EML4: variants seen among roughly 807,000 people sequenced by gnomAD.
The protein encoded by EML4 is EMAP like 4, also known as echinoderm microtubule-associated protein-like 4.
A neutral mutation model predicts 129.0 loss-of-function variants in EML4; 72 were observed. The ratio of observed to expected loss-of-function variants is 0.56; its 90% CI spans 0.46 to 0.68. The LOEUF is 0.68. EML4 is among the 30% of genes least tolerant of loss of function. The pLI is 0.00. For synonymous variants in EML4, 532 were observed against 405.0 expected, an observed-to-expected ratio of 1.31 and a Z score of -3.77; for missense variants, 1,363 against 1,190.6, an observed-to-expected ratio of 1.14 and a Z score of -2.13.
At chr2:42,180,175 T>G (rs2103833956) in intron 1 of EML4, among the ~76,000 whole-genome samples, 1 of 152,338 alleles carries the variant, frequency 6.6e-6, no homozygotes, top group Admixed American at 6.5e-5. Flanking sequence ...AACTATCCTG[T>G]CTTCCAGAAA....
chr2:42,251,060 G>T (rs1009373436), intron 2 of EML4, among the ~76,000 whole-genome samples: 1 of 152,170 alleles, frequency 6.6e-6, no homozygotes, highest in Non-Finnish European at 1.5e-5. Flanking sequence ...TAATGCAAGT[G>T]ATAGGAAGTG....
chr2:42,205,607 G>C (rs1451689268), intron 1 of EML4, among the ~76,000 whole-genome samples: 1 of 152,180 alleles, frequency 6.6e-6, no homozygotes, highest in Non-Finnish European at 1.5e-5. Flanking sequence ...GGAAGTGGAA[G>C]ATCTGTTAGT....
chr2:42,278,433 T>C (rs1666781728), intron 6 of EML4, among the ~76,000 whole-genome samples: 1 of 151,786 alleles, frequency 6.6e-6, no homozygotes, highest in Admixed American at 6.6e-5. Context: ...AATGAGCCAG[T>C]TGTGATGGTG....
Position 42,286,199 on chromosome 2 carries a change from A to C in EML4, c.1012-70A>C, listed in dbSNP as rs771261463. On this transcript the variant is annotated intron_variant, in intron 9 of 22. Transcript: ENST00000318522. ...CCCTATTACTTTTTTAAATGGCATT[A>C]GTTCTGTGTGCTATTGGTGTTTATT... 7.0e-6 allele frequency: 6 copies of C among 861,520 alleles called. No homozygotes were observed. In the African/African-American group the frequency reaches 9.9e-5, roughly 14 times the overall value. The allele number at this position is 861,520 out of a possible 1,614,324, so 53.4% of individuals were successfully genotyped here.
chr2:42,258,006 T>C (rs1443904587), intron 3 of EML4, among the ~76,000 whole-genome samples: 2 of 152,212 alleles, frequency 1.3e-5, no homozygotes, highest in East Asian at 3.8e-4. Flanking sequence ...TTTAAATAAA[T>C]TTCCGTGTTG....
chr2:42,321,395 A>G (rs1161367954), intron 19 of EML4, among the ~76,000 whole-genome samples: 5 of 152,136 alleles, frequency 3.3e-5, no homozygotes, highest in Admixed American at 2.6e-4. Context: ...AAATAAAAAA[A>G]AAGTAGTACC....
At chr2:42,310,686 G>A (rs1464775788) in intron 17 of EML4, among the ~76,000 whole-genome samples, 2 of 152,202 alleles carry the variant, frequency 1.3e-5, no homozygotes, top group African/African-American at 4.8e-5. Flanking sequence ...ACTAGAATAA[G>A]AATACAATGA....
At chr2:42,230,011 A>G (rs1199222933) in intron 1 of EML4, among the ~76,000 whole-genome samples, 1 of 152,130 alleles carries the variant, frequency 6.6e-6, no homozygotes, top group Non-Finnish European at 1.5e-5. Flanking sequence ...TCATGCAATT[A>G]TTGGCTAAAT....
intron 1 of EML4, among the ~76,000 whole-genome samples, chr2:42,204,177 C>A (rs1368787736): frequency 6.6e-6 from 1 of 152,112 alleles, no homozygotes; most frequent in Non-Finnish European, 1.5e-5. Flanking sequence ...GCCTTGGCCT[C>A]CCAAAGTGCT....
intron 17 of EML4, among the ~76,000 whole-genome samples, chr2:42,307,153 T>A (rs1192247416): frequency 1.3e-5 from 2 of 152,200 alleles, no homozygotes; most frequent in Non-Finnish European, 2.9e-5. Context: ...AAACACTGTG[T>A]GTTTACAAAT....
At chr2:42,263,840 C>G (rs1200871302) in intron 5 of EML4, among the ~76,000 whole-genome samples, 1 of 152,140 alleles carries the variant, frequency 6.6e-6, no homozygotes, top group Non-Finnish European at 1.5e-5. Flanking sequence ...AGCGATTGTC[C>G]TGCCTTAGCC....
chr2:42,271,810 T>A (rs1406500986), intron 6 of EML4, among the ~76,000 whole-genome samples: 2 of 152,194 alleles, frequency 1.3e-5, no homozygotes, highest in Non-Finnish European at 2.9e-5. Context: ...GTTAGAAATC[T>A]GTGCTGTCCA....
At chr2:42,264,438 CAT>C (rs1665938265) in intron 5 of EML4, among the ~76,000 whole-genome samples, 1 of 152,130 alleles carries the variant, frequency 6.6e-6, no homozygotes, top group South Asian at 2.1e-4. Flanking sequence ...TCTTAATAAT[CAT>C]ATAAGATTTG....
intron 6 of EML4, among the ~76,000 whole-genome samples, chr2:42,278,093 A>C (rs922796796): frequency 3.9e-5 from 6 of 152,172 alleles, no homozygotes; most frequent in South Asian, 2.1e-4. Context: ...ATGCCAGACA[A>C]GTTGGCAAGT....
At chr2:42,272,690 A>G (rs1189068770) in intron 6 of EML4, among the ~76,000 whole-genome samples, 3 of 152,162 alleles carry the variant, frequency 2.0e-5, no homozygotes, top group Non-Finnish European at 4.4e-5. Flanking sequence ...GATTTTTTTT[A>G]AAAAGTATGT....
intron 2 of EML4, among the ~76,000 whole-genome samples, chr2:42,253,841 T>G (rs546259939): frequency 2.0e-5 from 3 of 152,320 alleles, no homozygotes; most frequent in Non-Finnish European, 4.4e-5. Flanking sequence ...AAGATCTTAG[T>G]GACCTTGAGT....
intron 1 of EML4, among the ~76,000 whole-genome samples, chr2:42,227,904 A>C (rs1304013494): frequency 6.7e-6 from 1 of 148,454 alleles, no homozygotes; most frequent in Admixed American, 6.6e-5. Context: ...GGCTATTAAT[A>C]GTTAAGTTTG....
At chr2:42,169,732 G>C in intron 1 of EML4, 96 bp downstream of exon 1, 1 of 1,426,266 alleles carries the variant, frequency 7.0e-7, no homozygotes, top group Non-Finnish European at 9.5e-7. Flanking sequence ...CCTGCCCCTC[G>C]GGGTGGCAGC....
In EML4 at chr2:42,252,541, TATAG is replaced by T. The variant is rs575092998; in HGVS notation, c.209-3956_209-3953del. 3.5e-4 allele frequency among the ~76,000 whole-genome samples: 54 copies of T among 152,316 alleles called. No individual in the cohort carries two copies. The Middle Eastern group carries it at 0.01, about 29-fold the overall frequency. On this transcript the variant is annotated intron_variant, in intron 2 of 22. Transcript: ENST00000318522. ...AACCCTTTAGTGGTTCTTTATTCTT[TATAG>T]ATAAAGTCTGCATCATCTGAATGCT...
Sources: allele counts gnomAD v4.1 joint callset (sites outside exome capture counted in the v4.1 genomes callset), GRCh38; gene constraint gnomAD v4.1.1; transcripts MANE v1.5; gene names NCBI Gene and HGNC (gene_info 2026-07-23, HGNC 2026-07-21).